Variants in IP6K1 observed in about 807,000 individuals in gnomAD.
IP6K1 encodes ATP:1D-myo-inositol-hexakisphosphate phosphotransferase.
A neutral mutation model predicts 38.3 loss-of-function variants in IP6K1; 13 were observed. The observed-to-expected ratio is 0.34, with a 90% confidence interval of 0.22 to 0.54. IP6K1 has a LOEUF of 0.54. Ranked by LOEUF, IP6K1 falls within the 20% of genes least tolerant of loss-of-function variation. IP6K1 has a pLI of 0.92. For synonymous variants in IP6K1, 212 were observed against 229.9 expected (o/e 0.92, Z 0.70); for missense variants, 397 against 599.8 (o/e 0.66, Z 3.53).
Position 49,737,230 on chromosome 3 carries a change from A to C in IP6K1, c.434+982T>G, listed in dbSNP as rs144114423. On this transcript the variant is annotated intron_variant, in intron 3 of 5. Transcript: ENST00000321599. ...TCAGCCTGGTTTAACTTTTTGAAGA[A>C]CTGCTAAATTGTTTCCCAAGTGGCT... 9.1e-3 allele frequency among the ~76,000 whole-genome samples: 1,388 copies of C among 152,234 alleles called. 19 individuals are homozygous for C. Among genetic ancestry groups the C allele is most frequent in the African/African-American group, 0.032 (1,333 of 41,536 alleles).
intron 2 of IP6K1, 150 bp from the exon 3 acceptor site, chr3:49,738,572 C>G (rs1221675508): frequency 3.1e-6 from 2 of 646,828 alleles, no homozygotes; most frequent in Non-Finnish European, 5.6e-6. Context: ...AGCCAGCAGA[C>G]AGTAACTTCC....
chr3:49,767,796 A>G (rs2080924296), intron 1 of IP6K1, among the ~76,000 whole-genome samples: 1 of 152,166 alleles, frequency 6.6e-6, no homozygotes, highest in Non-Finnish European at 1.5e-5. Flanking sequence ...CCCACAGAAT[A>G]GCAGAAAATA....
intron 5 of IP6K1, 23 bp downstream of exon 5, chr3:49,728,080 G>T: frequency 6.2e-7 from 1 of 1,602,746 alleles, no homozygotes; most frequent in South Asian, 1.1e-5. Flanking sequence ...GCAGCACCTA[G>T]GCTCTGAGCA....
intron 1 of IP6K1, among the ~76,000 whole-genome samples, chr3:49,767,472 C>CG (rs1163548523): frequency 6.6e-6 from 1 of 151,650 alleles, no homozygotes; most frequent in African/African-American, 2.4e-5. Flanking sequence ...CCCAGGTACT[C>CG]GGGGGGCTAA....
At chr3:49,750,800 A>G (rs1466331762) in intron 1 of IP6K1, among the ~76,000 whole-genome samples, 1 of 152,196 alleles carries the variant, frequency 6.6e-6, no homozygotes, top group African/African-American at 2.4e-5. Context: ...TCCACTCTTC[A>G]GTCTATCTAG....
At chr3:49,732,302 C>A (rs1399227776) in intron 4 of IP6K1, among the ~76,000 whole-genome samples, 4 of 152,074 alleles carry the variant, frequency 2.6e-5, no homozygotes, top group Non-Finnish European at 5.9e-5. Flanking sequence ...AAATATATCA[C>A]CTTTAAACTA....
chr3:49,729,241 T>C (rs754279569), intron 4 of IP6K1, among the ~76,000 whole-genome samples: 2 of 152,220 alleles, frequency 1.3e-5, no homozygotes, highest in Non-Finnish European at 2.9e-5. Context: ...CTTAGCAGAA[T>C]GTATTCAAGA....
At position 49,783,190 on chromosome 3, in the gene IP6K1, G is replaced by A. The variant is rs542515533; in HGVS notation, c.-129+3164C>T. Among the ~76,000 whole-genome samples the A allele has an allele frequency of 2.1e-4, 32 of 152,022 alleles. No individual in the cohort carries two copies. In the South Asian group the frequency reaches 6.4e-3, roughly 31 times the overall value. Reference sequence around the variant, plus strand: ...AGCATTTTGGGAGGCCAAGACAGGAGGATCACTTGAGACTAGGAGTTCAAG... The same window carrying A: ...AGCATTTTGGGAGGCCAAGACAGGAAGATCACTTGAGACTAGGAGTTCAAG... On this transcript the variant is annotated intron_variant, in intron 1 of 5. Transcript: ENST00000321599.
At chr3:49,772,508 T>C (rs1414624951) in intron 1 of IP6K1, among the ~76,000 whole-genome samples, 1 of 151,848 alleles carries the variant, frequency 6.6e-6, no homozygotes, top group Admixed American at 6.6e-5. Flanking sequence ...TCTCAAGCAA[T>C]CCTCCCATCT....
At chr3:49,780,832 A>T (rs2081059122) in intron 1 of IP6K1, among the ~76,000 whole-genome samples, 1 of 152,210 alleles carries the variant, frequency 6.6e-6, no homozygotes. Flanking sequence ...CTTCAAGGCA[A>T]GGCAGGGTGG....
intron 1 of IP6K1, among the ~76,000 whole-genome samples, chr3:49,769,861 A>ATAAACAAT (rs1165334400): frequency 7.9e-5 from 12 of 152,200 alleles, no homozygotes. Flanking sequence ...CTGGGTAGAG[A>ATAAACAAT]TAAACAATAT....
At chr3:49,781,264 T>C (rs916827269) in intron 1 of IP6K1, among the ~76,000 whole-genome samples, 5 of 152,196 alleles carry the variant, frequency 3.3e-5, no homozygotes, top group African/African-American at 9.7e-5. Context: ...AGTTTCACCA[T>C]GTTGGCTAGG....
chr3:49,738,254 T>C lies in IP6K1; in HGVS notation c.392A>G (p.His131Arg). The change falls in exon 3 of 6, where the codon CAC becomes CGC. Residue 131 changes from histidine to arginine, a missense_variant. This residue lies in a region of IP6K1 where 171 missense variants were observed against 237.0 expected (regional missense o/e 0.72). Coordinates refer to ENST00000321599, the MANE Select transcript of IP6K1 (RefSeq NM_153273.4). ...SLHRSGSGSD[H>R]KEEKASLSLE... is the part of the protein sequence containing the mutation. ...GGACAGGCTGGCTTTCTCCTCCTTGTGGTCACTGCCACTGCCTGACCGGTG... is the reference window on the plus strand; with the variant it reads ...GGACAGGCTGGCTTTCTCCTCCTTGCGGTCACTGCCACTGCCTGACCGGTG... The C allele has an allele frequency of 6.2e-7, 1 of 1,614,240 alleles. No individual in the cohort carries two copies. The highest frequency in any genetic ancestry group is 8.5e-7 in the Non-Finnish European group (1 of 1,180,036).
chr3:49,761,781 C>CT (rs1210564169), intron 1 of IP6K1, among the ~76,000 whole-genome samples: 1 of 152,028 alleles, frequency 6.6e-6, no homozygotes, highest in African/African-American at 2.4e-5. Context: ...GAGAAAGACT[C>CT]TGTCTCTACA....
chr3:49,782,447 G>A (rs964043416), intron 1 of IP6K1, among the ~76,000 whole-genome samples: 1 of 152,184 alleles, frequency 6.6e-6, no homozygotes. Context: ...GGGATTACAG[G>A]CTTGAGCCAC....
chr3:49,742,703 C>T (rs749924833), intron 2 of IP6K1, among the ~76,000 whole-genome samples: 8 of 149,148 alleles, frequency 5.4e-5, no homozygotes, highest in African/African-American at 1.5e-4. Flanking sequence ...GTTTGAGACC[C>T]GCCTGGGCAA....
chr3:49,763,728 T>G lies in IP6K1; in HGVS notation c.-128-15560A>C, dbSNP rs369068007. On this transcript the variant is annotated intron_variant, in intron 1 of 5. Coordinates refer to ENST00000321599, the MANE Select transcript of IP6K1 (RefSeq NM_153273.4). ...AGTACCCATTCATAATTAAAAACTC[T>G]CAACAGGTTGGGTGTGGTGGCTCAC... Among the ~76,000 whole-genome samples, 17 of 152,176 alleles carry G rather than the reference T, an allele frequency of 1.1e-4. No individual in the cohort carries two copies. In the East Asian group the frequency reaches 2.3e-3, roughly 21 times the overall value.
chr3:49,732,745 C>G, intron 4 of IP6K1, 46 bp downstream of exon 4: 1 of 1,543,770 alleles, frequency 6.5e-7, no homozygotes, highest in South Asian at 1.2e-5. Flanking sequence ...CAACACACGA[C>G]CTATGGACCC....
intron 1 of IP6K1, among the ~76,000 whole-genome samples, chr3:49,755,307 AG>A (rs2080812591): frequency 6.6e-6 from 1 of 152,156 alleles, no homozygotes; most frequent in South Asian, 2.1e-4. Context: ...GTATATTTGC[AG>A]ATTTCCTCAA....
Sources: allele counts gnomAD v4.1 joint callset (sites outside exome capture counted in the v4.1 genomes callset), GRCh38; gene constraint gnomAD v4.1.1; regional missense constraint gnomAD v4.1.1; transcripts MANE v1.5; gene names NCBI Gene and HGNC (gene_info 2026-07-23, HGNC 2026-07-21).